The following GSE1 variants were observed in gnomAD, a reference collection of about 807,000 sequenced individuals.
GSE1 encodes the protein genetic suppressor element 1.
In GSE1, 32 loss-of-function variants were observed where a neutral mutation model predicts 112.6. The observed-to-expected ratio is 0.28, with a 90% CI of 0.21 to 0.38. GSE1 has a LOEUF of 0.38. GSE1 is among the 10% of genes least tolerant of loss of function. GSE1 has a pLI of 1.00. For synonymous variants in GSE1, 1,115 were observed against 735.6 expected (o/e 1.52, Z -8.35); for missense variants, 2,348 against 1,699.2 (o/e 1.38, Z -6.71).
rs377241603 is a variant in GSE1 at position 85,577,430 on chromosome 16, C to G, written c.37+21067C>G. On this transcript the variant is annotated intron_variant, in intron 1 of 2. Transcript: ENST00000635906. ...AGGGCAGGTCTGCTGTGACAAGGAC[C>G]CCACCACCCCACCCAGCAGCTGGAG... 4.9e-4 allele frequency among the ~76,000 whole-genome samples: 74 copies of G among 152,290 alleles called. 1 individual carries two copies. The highest frequency in any genetic ancestry group is 1.7e-3 in the African/African-American group (69 of 41,566).
chr16:85,373,456 C>G lies in GSE1; in HGVS notation c.2464+15813C>G, dbSNP rs1005014200. Among the ~76,000 whole-genome samples the G allele has an allele frequency of 1.3e-5, 2 of 151,642 alleles. No homozygotes were observed. Among genetic ancestry groups the G allele is most frequent in the African/African-American group, 4.9e-5 (2 of 40,946 alleles). ...AGGGGAGGGGACGAGAACCTCTCCC[C>G]CTCCGCTGCTTTCCAGCTCAGCCTG... is the stretch of plus-strand genomic sequence containing the variant. On this transcript the variant is annotated intron_variant, in intron 2 of 2. Coordinates refer to the GSE1 transcript ENST00000637419. The surrounding 1 kb of genome is among the most constrained non-coding windows in gnomAD (Gnocchi z 5.1).
chr16:85,673,605 A>ATCACT lies in GSE1; in HGVS notation c.*1070_*1074dup, dbSNP rs1223759192. On this transcript the variant is annotated 3_prime_UTR_variant, in exon 16 of 16. Coordinates refer to ENST00000253458, the MANE Select transcript of GSE1 (RefSeq NM_014615.5). ...AGAGCTTACCACTGGCGCCTATGCG[A>ATCACT]TCACTTCATTTTTAGTTTGAGTTGC... is the stretch of plus-strand genomic sequence containing the variant. The ATCACT allele has an allele frequency of 2.6e-5, 4 of 152,320 alleles. No individual in the cohort carries two copies. The East Asian group carries it at 7.7e-4, about 29-fold the overall frequency. The allele number at this position is 152,320 out of a possible 1,614,324, so 9.4% of individuals were successfully genotyped here. A position where few individuals can be genotyped will look rare whatever the true frequency, so the allele number is the denominator to read the frequency against.
At chr16:85,605,451 G>A (rs1006960200) in intron 1 of GSE1, among the ~76,000 whole-genome samples, 2 of 151,998 alleles carry the variant, frequency 1.3e-5, no homozygotes, top group East Asian at 1.9e-4. Flanking sequence ...CACTTCCTCC[G>A]CACAGCAAAT....
intron 1 of GSE1, among the ~76,000 whole-genome samples, chr16:85,587,181 C>CCA (rs1555538632): frequency 4.7e-5 from 7 of 149,068 alleles, no homozygotes; most frequent in African/African-American, 1.8e-4. Context: ...CCCCCCCCCC[C>CCA]AGACCAGACC....
At chr16:85,553,120 C>T (rs1185443035), upstream of GSE1, among the ~76,000 whole-genome samples, 1 of 151,846 alleles carries the variant, frequency 6.6e-6, no homozygotes, top group African/African-American at 2.4e-5. Flanking sequence ...GGCGGTCTAA[C>T]CCGCGCTCTG....
At chr16:85,508,507 G>A (rs1444162998) in intron 2 of GSE1, among the ~76,000 whole-genome samples, 1 of 152,178 alleles carries the variant, frequency 6.6e-6, no homozygotes, top group Non-Finnish European at 1.5e-5. Flanking sequence ...AGGGAGCCAG[G>A]AGGGGCTGCC....
rs540851289 is a variant in GSE1, at chr16:85,560,925, T to C, written c.37+4562T>C. ...GGGTGGATCACTTGAGCCCAGGAGC[T>C]CGAGACCAGCCTGGGCAACATGGTA... is the stretch of plus-strand genomic sequence containing the variant. On this transcript the variant is annotated intron_variant, in intron 1 of 2. Transcript: ENST00000635906. Among the ~76,000 whole-genome samples the C allele has an allele frequency of 2.0e-5, 3 of 152,164 alleles. No homozygotes were observed. The South Asian group carries it at 6.2e-4, about 32-fold the overall frequency.
At chr16:85,404,539 A>C (rs1447265789) in intron 2 of GSE1, among the ~76,000 whole-genome samples, 13 of 73,370 alleles carry the variant, frequency 1.8e-4, no homozygotes, top group Admixed American at 2.6e-4. Context: ...CCCCTGGATA[A>C]TCCTCACTGT....
upstream of GSE1, among the ~76,000 whole-genome samples, chr16:85,608,295 C>G (rs1318908094): frequency 1.3e-5 from 2 of 152,050 alleles, no homozygotes; most frequent in East Asian, 3.9e-4. Context: ...GCTCTTCGTG[C>G]CCCCCGGATT....
intron 1 of GSE1, among the ~76,000 whole-genome samples, chr16:85,569,599 C>T (rs1476083528): frequency 6.6e-6 from 1 of 152,212 alleles, no homozygotes; most frequent in East Asian, 1.9e-4. Flanking sequence ...TCTGTGTGAT[C>T]GTCATCATCA....
chr16:85,276,213 C>T (rs1187145634), intron 1 of GSE1, among the ~76,000 whole-genome samples: 4 of 152,252 alleles, frequency 2.6e-5, no homozygotes, highest in Non-Finnish European at 5.9e-5. Context: ...CTGGAAGACC[C>T]TCCTGGTGGC....
upstream of GSE1, chr16:85,554,778 G>T (rs775079959): frequency 3.6e-5 from 23 of 642,662 alleles, no homozygotes; most frequent in East Asian, 4.1e-4. Context: ...TCAGTCGTGG[G>T]GGGGGAGGGA....
rs75845915 is a variant in GSE1, at chr16:85,505,965, C to CA, written c.2465-127935dup. Among the ~76,000 whole-genome samples, 694 of 132,236 alleles carry CA rather than the reference C, an allele frequency of 5.2e-3. 1 individual carries two copies. Among genetic ancestry groups the CA allele is most frequent in the African/African-American group, 0.014 (507 of 36,492 alleles). 86.8% of individuals were successfully genotyped at this position (132,236 alleles called of 152,430 possible). On this transcript the variant is annotated intron_variant, in intron 2 of 2. Coordinates refer to the GSE1 transcript ENST00000637419. ...TCCAGCCTGGGGGAGACCCTGTCTCCAAAAAAAAAAAAAAGACCTGGTGCC... is the reference window on the plus strand; with the variant it reads ...TCCAGCCTGGGGGAGACCCTGTCTCCAAAAAAAAAAAAAAAGACCTGGTGCC...
intron 2 of GSE1, among the ~76,000 whole-genome samples, chr16:85,639,279 G>C (rs2050250066): frequency 6.6e-6 from 1 of 152,182 alleles, no homozygotes; most frequent in Admixed American, 6.5e-5. Flanking sequence ...GGGTCCTTGG[G>C]TACAAGCAGG....
intron 1 of GSE1, among the ~76,000 whole-genome samples, chr16:85,255,928 T>C (rs1408009357): frequency 6.6e-6 from 1 of 151,336 alleles, no homozygotes; most frequent in Non-Finnish European, 1.5e-5. Flanking sequence ...GCTCAAGCAG[T>C]CCTCCTACCA....
chr16:85,486,170 C>G (rs1001374550), intron 2 of GSE1, among the ~76,000 whole-genome samples: 5 of 152,224 alleles, frequency 3.3e-5, no homozygotes, highest in African/African-American at 1.2e-4. Context: ...CCTCCCTACT[C>G]CCTTCCTCCC....
At chr16:85,323,460 A>G (rs2046158906) in intron 1 of GSE1, among the ~76,000 whole-genome samples, 1 of 152,048 alleles carries the variant, frequency 6.6e-6, no homozygotes, top group Admixed American at 6.5e-5. Flanking sequence ...GGAAGAAGGG[A>G]GACAGGCCCA....
At chr16:85,520,277 AC>A (rs2052136882) in intron 2 of GSE1, among the ~76,000 whole-genome samples, 1 of 151,724 alleles carries the variant, frequency 6.6e-6, no homozygotes, top group Non-Finnish European at 1.5e-5. Context: ...TGCCCTAATC[AC>A]CTCCAAAGGC....
intron 1 of GSE1, among the ~76,000 whole-genome samples, chr16:85,629,798 C>A (rs1022947759): frequency 6.6e-6 from 1 of 152,184 alleles, no homozygotes; most frequent in Non-Finnish European, 1.5e-5. Flanking sequence ...AGTTTCACTT[C>A]TTGGCTTTCT....
Sources: gnomAD v4.1 joint callset for allele counts (sites outside exome capture counted in the v4.1 genomes callset) on GRCh38, gnomAD v4.1.1 for gene constraint, Gnocchi (gnomAD v3.1) non-coding constraint, MANE v1.5 for transcripts, NCBI Gene and HGNC (gene_info 2026-07-23, HGNC 2026-07-21) for gene names.